PDE1A: variants seen among roughly 807,000 people sequenced by gnomAD.
The protein encoded by PDE1A is phosphodiesterase 1A, also known as dual specificity calcium/calmodulin-dependent 3',5'-cyclic nucleotide phosphodiesterase 1A.
A neutral mutation model predicts 61.7 loss-of-function variants in PDE1A; 35 were observed. That is an observed-to-expected ratio of 0.57 (90% CI 0.43 to 0.75). The LOEUF (loss-of-function observed/expected upper bound fraction) is 0.75. PDE1A is among the 30% of genes least tolerant of loss of function. PDE1A has a pLI of 0.00. For missense variants in PDE1A, 597 were observed against 630.6 expected, an observed-to-expected ratio of 0.95 and a Z score of 0.57; for synonymous variants, 232 against 213.2, an observed-to-expected ratio of 1.09 and a Z score of -0.77.
intron 2 of PDE1A, among the ~76,000 whole-genome samples, chr2:182,481,123 A>G (rs908483769): frequency 1.3e-5 from 2 of 151,978 alleles, no homozygotes; most frequent in African/African-American, 2.4e-5. Flanking sequence ...TAAAGAAACA[A>G]AAAGAATCAA....
chr2:182,502,432 C>T (rs947565032), intron 2 of PDE1A, among the ~76,000 whole-genome samples: 5 of 152,110 alleles, frequency 3.3e-5, no homozygotes, highest in Non-Finnish European at 7.4e-5. Context: ...AGAGAGCCCT[C>T]GATCCTCTTC....
chr2:182,280,662 T>C (rs1227111491), intron 1 of PDE1A, among the ~76,000 whole-genome samples: 1 of 151,942 alleles, frequency 6.6e-6, no homozygotes, highest in Non-Finnish European at 1.5e-5. Context: ...TCTGTTTACA[T>C]TTTTCAAAAA....
chr2:182,421,108 A>G (rs1169555720), intron 1 of PDE1A, among the ~76,000 whole-genome samples: 2 of 152,116 alleles, frequency 1.3e-5, no homozygotes, highest in African/African-American at 2.4e-5. Context: ...ATTGCTTTTT[A>G]CCTAAACACT....
chr2:182,541,772 C>G, the PDE1A span, among the ~76,000 whole-genome samples: 1 of 152,104 alleles, frequency 6.6e-6, no homozygotes, highest in Non-Finnish European at 1.5e-5. Context: ...ATGCTCTGAA[C>G]GTAGAAAATT....
At chr2:182,516,630 T>G (rs1690166725) in intron 2 of PDE1A, among the ~76,000 whole-genome samples, 1 of 137,558 alleles carries the variant, frequency 7.3e-6, no homozygotes, top group Non-Finnish European at 1.5e-5. Flanking sequence ...CAGAGTGAGA[T>G]CCTATCTGAA....
At chr2:182,189,081 T>G in intron 10 of PDE1A, 21 bp from the exon 11 acceptor site, 1 of 1,546,022 alleles carries the variant, frequency 6.5e-7, no homozygotes, top group Non-Finnish European at 8.9e-7. Flanking sequence ...AAAAGCACAT[T>G]AATATAGACT....
chr2:182,265,677 C>T (rs78727082), intron 1 of PDE1A, among the ~76,000 whole-genome samples: 15,917 of 152,072 alleles, frequency 0.1, 1,161 homozygotes, highest in East Asian at 0.32. Context: ...TACAAATTAC[C>T]TTAACAAGTT....
At chr2:182,368,239 A>G (rs1699941470) in intron 1 of PDE1A, among the ~76,000 whole-genome samples, 1 of 152,102 alleles carries the variant, frequency 6.6e-6, no homozygotes, top group African/African-American at 2.4e-5. Flanking sequence ...AGCATTATCA[A>G]CAATTCCTTA....
At chr2:182,265,449 T>C (rs946360696) in intron 1 of PDE1A, among the ~76,000 whole-genome samples, 2 of 152,094 alleles carry the variant, frequency 1.3e-5, no homozygotes, top group African/African-American at 4.8e-5. Context: ...CTTAGTGTAT[T>C]TACTGCACTC....
chr2:182,152,618 G>A (rs996684212), intron 13 of PDE1A, among the ~76,000 whole-genome samples: 12 of 151,270 alleles, frequency 7.9e-5, no homozygotes, highest in Non-Finnish European at 1.3e-4. Flanking sequence ...ACGGGGTTTC[G>A]CCATGTTGGC....
At chr2:182,344,623 C>G (rs963229332) in intron 1 of PDE1A, among the ~76,000 whole-genome samples, 2 of 152,128 alleles carry the variant, frequency 1.3e-5, no homozygotes, top group South Asian at 2.1e-4. Context: ...GTATTTCTAT[C>G]TTTACCTTTG....
chr2:182,381,566 C>T (rs1261544194), intron 1 of PDE1A, among the ~76,000 whole-genome samples: 2 of 152,156 alleles, frequency 1.3e-5, no homozygotes, highest in African/African-American at 2.4e-5. Flanking sequence ...ATAATCCTAG[C>T]ACTTTGGGAG....
the PDE1A span, chr2:182,716,291 C>T: frequency 3.3e-5 from 5 of 152,450 alleles, no homozygotes; most frequent in African/African-American, 1.2e-4. Flanking sequence ...CGTGAGGAAC[C>T]TACCGGTACC....
chr2:182,617,555 C>G, the PDE1A span, among the ~76,000 whole-genome samples: 1 of 152,134 alleles, frequency 6.6e-6, no homozygotes, highest in Non-Finnish European at 1.5e-5. Flanking sequence ...TCTTGGGGAT[C>G]CCAGAATTTG....
chr2:182,536,011 G>C, the PDE1A span, among the ~76,000 whole-genome samples: 1 of 152,136 alleles, frequency 6.6e-6, no homozygotes, highest in Non-Finnish European at 1.5e-5. Context: ...CCGAAATAGC[G>C]AGTAGGGTCA....
intron 2 of PDE1A, among the ~76,000 whole-genome samples, chr2:182,477,723 C>G (rs1269834899): frequency 6.6e-6 from 1 of 151,842 alleles, no homozygotes; most frequent in African/African-American, 2.4e-5. Flanking sequence ...CTCCATTTTG[C>G]GAATAAGAAA....
chr2:182,653,795 G>A, the PDE1A span, among the ~76,000 whole-genome samples: 4 of 152,106 alleles, frequency 2.6e-5, no homozygotes, highest in East Asian at 1.9e-4. Context: ...GCTCAGATAC[G>A]AGTCTTAACC....
chr2:182,466,582 G>A (rs951367196), intron 2 of PDE1A, among the ~76,000 whole-genome samples: 3 of 152,006 alleles, frequency 2.0e-5, no homozygotes, highest in Admixed American at 6.6e-5. Flanking sequence ...GATGGAAACA[G>A]TGAAATAGAA....
intron 1 of PDE1A, among the ~76,000 whole-genome samples, chr2:182,391,079 G>C (rs1701392598): frequency 6.6e-6 from 1 of 152,130 alleles, no homozygotes. Context: ...AACTGCTTGA[G>C]TTTTCTAATA....
Sources: allele counts gnomAD v4.1 joint callset (sites outside exome capture counted in the v4.1 genomes callset), GRCh38; gene constraint gnomAD v4.1.1; transcripts MANE v1.5; gene names NCBI Gene and HGNC (gene_info 2026-07-23, HGNC 2026-07-21).